ERN1: variants seen among roughly 807,000 people sequenced by gnomAD.
ERN1 encodes the protein endoplasmic reticulum to nucleus signaling 1, also known as serine/threonine-protein kinase/endoribonuclease IRE1.
In ERN1, 39 loss-of-function variants were observed where a neutral mutation model predicts 113.1. The observed-to-expected ratio is 0.34, with a 90% CI of 0.27 to 0.45. ERN1 has a LOEUF of 0.45. Ranked by LOEUF, ERN1 falls within the 20% of genes least tolerant of loss-of-function variation. The pLI, the probability that ERN1 is intolerant of heterozygous loss-of-function variation, is 1.00. For missense variants in ERN1, 976 were observed against 1,274.8 expected, an observed-to-expected ratio of 0.77 and a Z score of 3.57; for synonymous variants, 507 against 515.9, an observed-to-expected ratio of 0.98 and a Z score of 0.23.
rs748219594 is a variant in ERN1 at position 64,098,503 on chromosome 17, CA to C, written c.55-263del. 48 of 658,942 alleles carry C rather than the reference CA, an allele frequency of 7.3e-5. 1 individual carries two copies. Among genetic ancestry groups the C allele is most frequent in the Middle Eastern group, 5.1e-4 (2 of 3,934 alleles). 40.8% of individuals were successfully genotyped at this position (658,942 alleles called of 1,614,324 possible). ...CAAGAATTCTGAAATAATCCATGGG[CA>C]ACCTCCACTGAAACAGAGGGGCAAA... is the stretch of plus-strand genomic sequence containing the variant. On this transcript the variant is annotated intron_variant, in intron 1 of 21. Transcript: ENST00000433197.
At position 64,102,160 on chromosome 17, in the gene ERN1, C is replaced by T. The variant is rs1031071918; in HGVS notation, c.55-3919G>A. 2.6e-5 allele frequency among the ~76,000 whole-genome samples: 4 copies of T among 152,158 alleles called. No homozygotes were observed. In the South Asian group the frequency reaches 8.3e-4, roughly 32 times the overall value. ...AATCAGCCAGGCCTGGTGGCAGACA[C>T]CTGCAATCCCAGCTACTTGGGAGGC... On this transcript the variant is annotated intron_variant, in intron 1 of 21. Transcript: ENST00000433197.
intron 6 of ERN1, among the ~76,000 whole-genome samples, 153 bp downstream of exon 6, chr17:64,071,828 G>C (rs1913429467): frequency 1.3e-5 from 2 of 152,238 alleles, no homozygotes; most frequent in South Asian, 4.1e-4. Flanking sequence ...CACACTGGGG[G>C]GACACTGAAG....
intron 1 of ERN1, among the ~76,000 whole-genome samples, chr17:64,111,458 C>T (rs532938758): frequency 2.0e-5 from 3 of 151,912 alleles, no homozygotes; most frequent in African/African-American, 4.8e-5. Flanking sequence ...TGGGTTCAAG[C>T]GATTCTCCTG....
chr17:64,057,876 T>C lies in ERN1; in HGVS notation c.1324A>G (p.Lys442Glu), dbSNP rs763483261. ...RPEAPVDSMLKDMATIILSTF... is the reference protein window; with the variant it reads ...RPEAPVDSMLEDMATIILSTF... Reference sequence around the variant, plus strand: ...CTCAGGATGATGGTAGCCATGTCCTTAAGCATGGAGTCCACGGGGGCCTCG... The same window carrying C: ...CTCAGGATGATGGTAGCCATGTCCTCAAGCATGGAGTCCACGGGGGCCTCG... The change falls in exon 12 of 22, where the codon AAG (lysine) becomes GAG (glutamate). Residue 442 changes from lysine to glutamate, a missense_variant. Around this residue, in one of 5 missense-constraint regions of ERN1, gnomAD observed 459 missense variants for 581.2 expected, o/e 0.79. Coordinates refer to ENST00000433197, the MANE Select transcript of ERN1 (RefSeq NM_001433.5). 2.4e-5 allele frequency: 39 copies of C among 1,613,814 alleles called. No homozygotes were observed. In the South Asian group the frequency reaches 4.3e-4, roughly 18 times the overall value.
At chr17:64,117,649 T>A (rs1042489495) in intron 1 of ERN1, among the ~76,000 whole-genome samples, 2 of 152,220 alleles carry the variant, frequency 1.3e-5, no homozygotes, top group Admixed American at 6.5e-5. Context: ...GACGTGGTGC[T>A]ATTTGGAGTG....
chr17:64,077,054 A>T (rs972771940), intron 4 of ERN1, among the ~76,000 whole-genome samples: 6 of 152,216 alleles, frequency 3.9e-5, no homozygotes, highest in Non-Finnish European at 8.8e-5. Flanking sequence ...AGTTTCTGGC[A>T]AACAAATTGC....
In ERN1 at chr17:64,057,851, C is replaced by T. The variant is rs375349184; in HGVS notation, c.1349G>A (p.Ser450Asn). ...CACCCAGCCAATCAGCAGGAAGGTG[C>T]TCAGGATGATGGTAGCCATGTCCTT... The part of the protein sequence containing the change: ...MLKDMATIIL[S>N]TFLLIGWVAF... The change falls in exon 12 of 22, where the codon AGC becomes AAC. Residue 450 changes from serine to asparagine, a missense_variant. This residue lies in a region of ERN1 where 459 missense variants were observed against 581.2 expected (regional missense o/e 0.79). Transcript: ENST00000433197. The T allele has an allele frequency of 6.2e-7, 1 of 1,613,872 alleles. No individual in the cohort carries two copies. Among genetic ancestry groups the T allele is most frequent in the African/African-American group, 1.3e-5 (1 of 74,930 alleles).
chr17:64,110,979 C>T (rs890195915), intron 1 of ERN1, among the ~76,000 whole-genome samples: 15 of 151,890 alleles, frequency 9.9e-5, no homozygotes, highest in East Asian at 1.9e-4. Flanking sequence ...ATCAAGTGGT[C>T]GGCAGGAAAC....
At chr17:64,055,183 A>G (rs1423594591) in intron 13 of ERN1, among the ~76,000 whole-genome samples, 3 of 152,254 alleles carry the variant, frequency 2.0e-5, no homozygotes, top group Non-Finnish European at 2.9e-5. Flanking sequence ...GTCCACTGTA[A>G]AGATCCGCAC....
At chr17:64,058,345 G>C (rs1250326266) in intron 11 of ERN1, among the ~76,000 whole-genome samples, 2 of 152,112 alleles carry the variant, frequency 1.3e-5, no homozygotes, top group Non-Finnish European at 2.9e-5. Context: ...AAACACTGAA[G>C]TCATCTGTAA....
intron 11 of ERN1, among the ~76,000 whole-genome samples, chr17:64,059,988 G>C (rs1487917635): frequency 6.6e-6 from 1 of 151,552 alleles, no homozygotes; most frequent in Non-Finnish European, 1.5e-5. Flanking sequence ...ACCCAACCCA[G>C]CCTTCAACAA....
chr17:64,122,730 A>G (rs2143508128), intron 1 of ERN1, among the ~76,000 whole-genome samples: 1 of 152,334 alleles, frequency 6.6e-6, no homozygotes, highest in South Asian at 2.1e-4. Context: ...TATTAAGCAA[A>G]GACTGGAAGG....
intron 4 of ERN1, among the ~76,000 whole-genome samples, chr17:64,075,604 TC>T (rs1913567987): frequency 6.6e-6 from 1 of 152,206 alleles, no homozygotes; most frequent in South Asian, 2.1e-4. Flanking sequence ...CAGCTAATTT[TC>T]CACATCTATT....
intron 9 of ERN1, 66 bp from the exon 10 acceptor site, chr17:64,064,217 C>A (rs1428449576): frequency 2.7e-5 from 40 of 1,497,798 alleles, no homozygotes; most frequent in Non-Finnish European, 3.2e-5. Flanking sequence ...GCACACCATC[C>A]CAGCCACTGT....
At chr17:64,060,631 C>T in intron 10 of ERN1, 44 bp from the exon 11 acceptor site, 3 of 1,429,656 alleles carry the variant, frequency 2.1e-6, no homozygotes, top group Non-Finnish European at 9.9e-7. Context: ...ATTTCCCGAG[C>T]TGTGGTGGCA....
In ERN1 at chr17:64,039,381, CTAAT is replaced by C. The variant is rs1309079399; in HGVS notation, c.*4603_*4606del. On this transcript the variant is annotated 3_prime_UTR_variant, in exon 22 of 22. Coordinates refer to ENST00000433197, the MANE Select transcript of ERN1 (RefSeq NM_001433.5). ...GACTGTATCACACAATTAACACGTA[CTAAT>C]TAAACAATTAACCATCCACACAGAA... 6.6e-6 allele frequency: 1 copy of C among 152,172 alleles called. No homozygotes were observed. Among genetic ancestry groups the C allele is most frequent in the Non-Finnish European group, 1.5e-5 (1 of 68,024 alleles). The allele number at this position is 152,172 out of a possible 1,614,324, so 9.4% of individuals were successfully genotyped here. A position where few individuals can be genotyped will look rare whatever the true frequency, so the allele number is the denominator to read the frequency against.
At chr17:64,052,696 C>T in intron 17 of ERN1, 84 bp downstream of exon 17, 3 of 1,314,652 alleles carry the variant, frequency 2.3e-6, no homozygotes, top group Non-Finnish European at 3.1e-6. Flanking sequence ...CACCAGCCCC[C>T]AAACCTGGAA....
intron 2 of ERN1, among the ~76,000 whole-genome samples, chr17:64,084,051 C>A (rs1913849032): frequency 6.6e-6 from 1 of 152,112 alleles, no homozygotes; most frequent in Non-Finnish European, 1.5e-5. Flanking sequence ...ATAACTTCCA[C>A]CCTAACCACA....
At chr17:64,126,052 C>T (rs1373480136) in intron 1 of ERN1, among the ~76,000 whole-genome samples, 2 of 151,824 alleles carry the variant, frequency 1.3e-5, no homozygotes, top group African/African-American at 2.4e-5. Flanking sequence ...TGAAACCAAA[C>T]ATGGGATATA....
Sources: allele counts gnomAD v4.1 joint callset (sites outside exome capture counted in the v4.1 genomes callset), GRCh38; gene constraint gnomAD v4.1.1; regional missense constraint gnomAD v4.1.1; transcripts MANE v1.5; gene names NCBI Gene and HGNC (gene_info 2026-07-23, HGNC 2026-07-21).